PCDHGA2: variants seen among roughly 807,000 people sequenced by gnomAD.
PCDHGA2 encodes protocadherin gamma subfamily A, 2.
In PCDHGA2, 40 loss-of-function variants were observed where a neutral mutation model predicts 59.2. The observed-to-expected ratio is 0.68, with a 90% CI of 0.52 to 0.88. The LOEUF (loss-of-function observed/expected upper bound fraction) is 0.88, where lower values mean the gene tolerates loss of function less well. Among genes scored for constraint, PCDHGA2 ranks in the 40% least tolerant of loss-of-function variants. PCDHGA2 has a pLI of 0.00. For missense variants in PCDHGA2, 1,226 were observed against 1,204.0 expected (o/e 1.02, Z -0.27); for synonymous variants, 560 against 526.0 (o/e 1.06, Z -0.89).
At chr5:141,343,448 T>C (rs1588455917) in intron 1 of PCDHGA2, 5 of 880,716 alleles carry the variant, frequency 5.7e-6, no homozygotes, top group Non-Finnish European at 6.8e-6. Context: ...AAACACATTA[T>C]CAAGGTTCAG....
At chr5:141,503,814 T>C (rs539980053) in intron 2 of PCDHGA2, among the ~76,000 whole-genome samples, 2 of 152,100 alleles carry the variant, frequency 1.3e-5, no homozygotes, top group East Asian at 3.9e-4. Flanking sequence ...GAATCCCAGA[T>C]TGGGCAAAAC....
At chr5:141,393,515 T>C in intron 1 of PCDHGA2, 2 of 1,613,990 alleles carry the variant, frequency 1.2e-6, no homozygotes, top group Non-Finnish European at 1.7e-6. Context: ...CAGTGTTGGA[T>C]ACAAATGACA....
intron 1 of PCDHGA2, chr5:141,342,055 T>C (rs1407728438): frequency 6.6e-6 from 1 of 152,646 alleles, no homozygotes; most frequent in African/African-American, 2.4e-5. Flanking sequence ...AAGAAGTGAC[T>C]GACTTATCAT....
chr5:141,427,875 C>A, intron 1 of PCDHGA2: 1 of 1,560,408 alleles, frequency 6.4e-7, no homozygotes. Flanking sequence ...GCTCACGATG[C>A]AGGCCCACGA....
chr5:141,423,777 T>A, intron 1 of PCDHGA2: 1 of 1,159,844 alleles, frequency 8.6e-7, no homozygotes, highest in Non-Finnish European at 1.1e-6. Flanking sequence ...GGCATATATT[T>A]AGTTCATATA....
intron 1 of PCDHGA2, chr5:141,418,984 C>T: frequency 6.2e-7 from 1 of 1,613,930 alleles, no homozygotes; most frequent in African/African-American, 1.3e-5. Flanking sequence ...GGGACCAAGA[C>T]TCAGGGGAAA....
At chr5:141,374,291 G>A (rs988844728) in intron 1 of PCDHGA2, 2 of 1,613,858 alleles carry the variant, frequency 1.2e-6, no homozygotes, top group African/African-American at 1.3e-5. Flanking sequence ...CGTCTCCAGA[G>A]GTAGGATGCA....
In PCDHGA2 at chr5:141,419,475, C is replaced by T. The variant is rs775720158; in HGVS notation, c.2425-75332C>T. On this transcript the variant is annotated intron_variant, in intron 1 of 3. Coordinates refer to ENST00000394576, the MANE Select transcript of PCDHGA2 (RefSeq NM_018915.4). Reference sequence around the variant, plus strand: ...ACGCTGCAGGCCCGCGACCAGGGCTCGCCCGCGCTCAGCGCCAATGTGAGC... The same window carrying T: ...ACGCTGCAGGCCCGCGACCAGGGCTTGCCCGCGCTCAGCGCCAATGTGAGC... The T allele has an allele frequency of 4.6e-5, 74 of 1,612,266 alleles. No homozygotes were observed. The highest frequency in any genetic ancestry group is 5.9e-5 in the Non-Finnish European group (70 of 1,179,514).
rs2099884159 is a variant in PCDHGA2 at position 141,512,278 on chromosome 5, G to A, written c.*1105G>A. 6.5e-6 allele frequency: 1 copy of A among 152,812 alleles called. No homozygotes were observed. Among genetic ancestry groups the A allele is most frequent in the Non-Finnish European group, 1.5e-5 (1 of 68,170 alleles). 9.5% of individuals were successfully genotyped at this position (152,812 alleles called of 1,614,324 possible). A position where few individuals can be genotyped will look rare whatever the true frequency, so the allele number is the denominator to read the frequency against. ...TGCTGGGTACTCCAGAGGTGCCACT[G>A]GTGGAAGGGTCAGCGGAGCCCCAGC... On this transcript the variant is annotated 3_prime_UTR_variant, in exon 4 of 4. Coordinates refer to ENST00000394576, the MANE Select transcript of PCDHGA2 (RefSeq NM_018915.4).
intron 1 of PCDHGA2, among the ~76,000 whole-genome samples, chr5:141,381,826 CTTTTTTTTTTTT>C (rs770630741): frequency 2.7e-5 from 2 of 74,284 alleles, no homozygotes; most frequent in Non-Finnish European, 4.7e-5. Flanking sequence ...CTTTCTTCTT[CTTTTTTTTTTTT>C]TTTTTTTTTT....
chr5:141,345,021 A>C, intron 1 of PCDHGA2: 1 of 1,614,020 alleles, frequency 6.2e-7, no homozygotes, highest in East Asian at 2.2e-5. Flanking sequence ...TCTTCTTTCA[A>C]GAGCCAAGAT....
intron 1 of PCDHGA2, among the ~76,000 whole-genome samples, chr5:141,459,098 A>G (rs993134478): frequency 2.0e-5 from 3 of 152,206 alleles, no homozygotes; most frequent in African/African-American, 7.2e-5. Flanking sequence ...ATACAGTGCA[A>G]TGCATTTTGA....
At chr5:141,373,996 C>A in intron 1 of PCDHGA2, 1 of 1,266,244 alleles carries the variant, frequency 7.9e-7, no homozygotes, top group South Asian at 2.2e-5. Context: ...TGTTGAAGGA[C>A]CTTCACCGCT....
At chr5:141,443,109 C>A (rs373919534) in intron 1 of PCDHGA2, among the ~76,000 whole-genome samples, 2 of 152,100 alleles carry the variant, frequency 1.3e-5, no homozygotes, top group South Asian at 2.1e-4. Flanking sequence ...CTGAACCTTG[C>A]TTTTCAAACC....
chr5:141,483,648 TTGTG>T (rs111458813), intron 1 of PCDHGA2, among the ~76,000 whole-genome samples: 10 of 149,592 alleles, frequency 6.7e-5, no homozygotes, highest in Non-Finnish European at 1.0e-4. Flanking sequence ...GGGTGTGTGT[TTGTG>T]TGTGTGTGTG....
Position 141,490,397 on chromosome 5 carries a change from G to A in PCDHGA2, c.2425-4410G>A. 6.2e-7 allele frequency: 1 copy of A among 1,614,170 alleles called. No individual in the cohort carries two copies. Among genetic ancestry groups the A allele is most frequent in the South Asian group, 1.1e-5 (1 of 91,080 alleles). On this transcript the variant is annotated intron_variant, in intron 1 of 3. Coordinates refer to ENST00000394576, the MANE Select transcript of PCDHGA2 (RefSeq NM_018915.4). This position sits in a 1 kb window ranked among gnomAD's most constrained non-coding sequence, Gnocchi z 5.4. ...GACTCAGGTAGAAATGGTGAAGTGA[G>A]CCTTGATATCTCTCCGGACCTGCCA...
intron 1 of PCDHGA2, chr5:141,398,829 C>T (rs1020690994): frequency 3.1e-6 from 5 of 1,613,876 alleles, no homozygotes; most frequent in African/African-American, 2.7e-5. Context: ...AGGTAACCGA[C>T]GCCAATGATA....
intron 1 of PCDHGA2, chr5:141,356,835 T>C: frequency 6.2e-7 from 1 of 1,614,144 alleles, no homozygotes; most frequent in Non-Finnish European, 8.5e-7. Context: ...TCAGCAGCAA[T>C]GTGTCACTGA....
rs143939286 is a variant in PCDHGA2 at position 141,427,522 on chromosome 5, T to C, written c.2425-67285T>C. 6.1e-3 allele frequency: 3,716 copies of C among 607,796 alleles called. 27 individuals are homozygous for C. The highest frequency in any genetic ancestry group is 8.8e-3 in the Non-Finnish European group (2,868 of 324,656). The allele number at this position is 607,796 out of a possible 1,614,324, so 37.7% of individuals were successfully genotyped here. A position where few individuals can be genotyped will look rare whatever the true frequency, so the allele number is the denominator to read the frequency against. On this transcript the variant is annotated intron_variant, in intron 1 of 3. Transcript: ENST00000394576. ...GATGGGACCCTGGATTGGGAGCGGATCCCGGAGTACAACGTCACCATCACT... is the reference window on the plus strand; with the variant it reads ...GATGGGACCCTGGATTGGGAGCGGACCCCGGAGTACAACGTCACCATCACT...
Sources: gnomAD v4.1 joint callset for allele counts (sites outside exome capture counted in the v4.1 genomes callset) on GRCh38, gnomAD v4.1.1 for gene constraint, Gnocchi (gnomAD v3.1) non-coding constraint, MANE v1.5 for transcripts, NCBI Gene and HGNC (gene_info 2026-07-23, HGNC 2026-07-21) for gene names.